Variants in ENOX1 observed in about 807,000 individuals in gnomAD.
The protein encoded by ENOX1 is candidate growth-related and time keeping constitutive hydroquinone (NADH) oxidase.
ENOX1 carries 42 observed loss-of-function variants against 82.5 expected under a neutral mutation model. That is an observed-to-expected ratio of 0.51 (90% CI 0.40 to 0.66). The LOEUF (loss-of-function observed/expected upper bound fraction) is 0.66, where lower values mean the gene tolerates loss of function less well. Ranked by LOEUF, ENOX1 falls within the 30% of genes least tolerant of loss-of-function variation. The pLI is 0.00. For synonymous variants in ENOX1, 271 were observed against 282.2 expected, an observed-to-expected ratio of 0.96 and a Z score of 0.40; for missense variants, 608 against 811.6, an observed-to-expected ratio of 0.75 and a Z score of 3.05.
intron 2 of ENOX1, among the ~76,000 whole-genome samples, chr13:43,582,926 T>G (rs531261021): frequency 6.6e-6 from 1 of 152,230 alleles, no homozygotes; most frequent in East Asian, 1.9e-4. Context: ...AATATTACAC[T>G]AATTATCACA....
chr13:43,278,799 A>AATAG (rs1311374477), intron 12 of ENOX1, among the ~76,000 whole-genome samples: 1 of 152,198 alleles, frequency 6.6e-6, no homozygotes, highest in Non-Finnish European at 1.5e-5. Context: ...AAAACTATTG[A>AATAG]ATAGATAGTT....
At chr13:43,283,090 GA>G (rs56784809) in intron 12 of ENOX1, among the ~76,000 whole-genome samples, 29 of 139,580 alleles carry the variant, frequency 2.1e-4, no homozygotes, top group African/African-American at 6.3e-4. Context: ...CTCAAGAAAA[GA>G]AAAAAAAAAA....
At chr13:43,441,438 C>A (rs1250446095) in intron 3 of ENOX1, among the ~76,000 whole-genome samples, 1 of 152,018 alleles carries the variant, frequency 6.6e-6, no homozygotes, top group Non-Finnish European at 1.5e-5. Flanking sequence ...ATTGTTCAGA[C>A]AGGAAAAAAG....
intron 2 of ENOX1, among the ~76,000 whole-genome samples, chr13:43,630,148 G>C (rs965321464): frequency 2.0e-5 from 3 of 152,148 alleles, no homozygotes; most frequent in African/African-American, 7.2e-5. Flanking sequence ...AGTATTTTGG[G>C]AGAATGTGGT....
At chr13:43,750,128 T>C (rs113123282) in intron 1 of ENOX1, among the ~76,000 whole-genome samples, 185 of 152,214 alleles carry the variant, frequency 1.2e-3, no homozygotes, top group African/African-American at 4.2e-3. Flanking sequence ...AGGTCTCCCT[T>C]GGAGATTTAG....
chr13:43,682,230 A>G (rs1227726952), intron 1 of ENOX1, among the ~76,000 whole-genome samples: 1 of 152,146 alleles, frequency 6.6e-6, no homozygotes, highest in African/African-American at 2.4e-5. Flanking sequence ...CAAGGTAGCT[A>G]TCTTCTCTTC....
At chr13:43,760,575 C>T (rs749810151) in intron 1 of ENOX1, among the ~76,000 whole-genome samples, 1 of 152,048 alleles carries the variant, frequency 6.6e-6, no homozygotes, top group Non-Finnish European at 1.5e-5. Flanking sequence ...CCCGTTGACT[C>T]CATTAGCACT....
intron 2 of ENOX1, among the ~76,000 whole-genome samples, chr13:43,584,937 A>G (rs2080911197): frequency 6.6e-6 from 1 of 152,334 alleles, no homozygotes; most frequent in South Asian, 2.1e-4. Context: ...ACAAACTGGG[A>G]TCACTTTCTC....
intron 12 of ENOX1, among the ~76,000 whole-genome samples, chr13:43,279,252 A>T (rs949542567): frequency 1.3e-5 from 2 of 152,312 alleles, no homozygotes; most frequent in African/African-American, 4.8e-5. Context: ...TATTCTGAAA[A>T]GAAATATAGT....
intron 2 of ENOX1, among the ~76,000 whole-genome samples, chr13:43,576,701 G>A (rs570418666): frequency 1.3e-4 from 20 of 152,296 alleles, no homozygotes; most frequent in African/African-American, 2.6e-4. Context: ...CTAGTCTATC[G>A]TAATTGTAAC....
intron 8 of ENOX1, among the ~76,000 whole-genome samples, chr13:43,355,171 G>A (rs777565333): frequency 6.6e-6 from 1 of 152,158 alleles, no homozygotes; most frequent in Non-Finnish European, 1.5e-5. Flanking sequence ...CACAACTTTG[G>A]TCAGTAATAG....
intron 2 of ENOX1, among the ~76,000 whole-genome samples, chr13:43,612,076 TG>T (rs1213795989): frequency 3.3e-5 from 5 of 152,176 alleles, no homozygotes; most frequent in African/African-American, 1.2e-4. Flanking sequence ...AAAGAGTTCC[TG>T]GTAATTTGTT....
chr13:43,475,703 T>G (rs988208671), intron 3 of ENOX1, among the ~76,000 whole-genome samples: 1 of 148,372 alleles, frequency 6.7e-6, no homozygotes, highest in Non-Finnish European at 1.5e-5. Context: ...GTTCTAGAAA[T>G]AGTGGCTTTT....
intron 2 of ENOX1, among the ~76,000 whole-genome samples, chr13:43,496,897 ATT>A (rs2076815962): frequency 6.6e-6 from 1 of 152,156 alleles, no homozygotes; most frequent in Admixed American, 6.6e-5. Flanking sequence ...TTCTAAAATA[ATT>A]TGACACTAAT....
intron 1 of ENOX1, among the ~76,000 whole-genome samples, chr13:43,772,197 A>C (rs1168010310): frequency 6.6e-6 from 1 of 152,156 alleles, no homozygotes; most frequent in Admixed American, 6.5e-5. Flanking sequence ...TACACTACTT[A>C]CATGGTATTT....
At position 43,237,368 on chromosome 13, in the gene ENOX1, A is replaced by C. The variant is rs150675881; in HGVS notation, c.1612-630T>G. ...TCTTTCTGTAGTCTTTTACATTTAA[A>C]AACAGAGATGAAGATTTAACTCATA... On this transcript the variant is annotated intron_variant, in intron 14 of 16. Transcript: ENST00000690772. Among the ~76,000 whole-genome samples, 29 of 152,352 alleles carry C rather than the reference A, an allele frequency of 1.9e-4. No individual in the cohort carries two copies. The East Asian group carries it at 5.4e-3, about 28-fold the overall frequency.
intron 12 of ENOX1, among the ~76,000 whole-genome samples, chr13:43,296,611 A>C (rs1057298933): frequency 1.3e-5 from 2 of 152,204 alleles, no homozygotes; most frequent in Admixed American, 1.3e-4. Flanking sequence ...AGTTATGAGA[A>C]GCTCCCTTAA....
intron 2 of ENOX1, among the ~76,000 whole-genome samples, chr13:43,521,259 T>A: frequency 6.6e-6 from 1 of 152,120 alleles, no homozygotes; most frequent in Admixed American, 6.6e-5. Context: ...CACCAATCAA[T>A]AAACTCCAAA....
At chr13:43,767,027 T>A (rs1239676689) in intron 1 of ENOX1, among the ~76,000 whole-genome samples, 1 of 152,046 alleles carries the variant, frequency 6.6e-6, no homozygotes, top group African/African-American at 2.4e-5. Context: ...AGAACTGAAG[T>A]GCACTTCACC....
Sources: allele counts gnomAD v4.1 joint callset (sites outside exome capture counted in the v4.1 genomes callset), GRCh38; gene constraint gnomAD v4.1.1; transcripts MANE v1.5; gene names NCBI Gene and HGNC (gene_info 2026-07-23, HGNC 2026-07-21).